ABCB1: variants seen among roughly 807,000 people sequenced by gnomAD.
ABCB1 encodes ATP binding cassette subfamily B member 1, also known as ATP-dependent translocase ABCB1.
Under a neutral mutation model 142.0 loss-of-function variants are expected in ABCB1, and 69 were observed. That is an observed-to-expected ratio of 0.49 (90% CI 0.40 to 0.59). The LOEUF (loss-of-function observed/expected upper bound fraction) is 0.59, where lower values mean the gene tolerates loss of function less well. Among genes scored for constraint, ABCB1 ranks in the 20% least tolerant of loss-of-function variants. The pLI is 0.00. For synonymous variants in ABCB1, 532 were observed against 539.2 expected, an observed-to-expected ratio of 0.99 and a Z score of 0.18; for missense variants, 1,326 against 1,554.7, an observed-to-expected ratio of 0.85 and a Z score of 2.47.
intron 1 of ABCB1, among the ~76,000 whole-genome samples, chr7:87,646,122 C>G (rs1373027800): frequency 1.3e-5 from 2 of 152,070 alleles, no homozygotes; most frequent in African/African-American, 2.4e-5. Flanking sequence ...TAATTTAGTG[C>G]TCTGATATTT....
chr7:87,651,499 T>C (rs888762948), intron 1 of ABCB1, among the ~76,000 whole-genome samples: 2 of 152,124 alleles, frequency 1.3e-5, no homozygotes, highest in Non-Finnish European at 2.9e-5. Flanking sequence ...CTATAAAATA[T>C]AGTTGCTAAA....
At chr7:87,656,085 T>C (rs897709086) in intron 1 of ABCB1, among the ~76,000 whole-genome samples, 4 of 152,110 alleles carry the variant, frequency 2.6e-5, no homozygotes, top group African/African-American at 9.7e-5. Context: ...TAAATTTCAG[T>C]TATCTATAAA....
intron 3 of ABCB1, among the ~76,000 whole-genome samples, chr7:87,594,422 G>A (rs2129974198): frequency 6.6e-6 from 1 of 152,126 alleles, no homozygotes; most frequent in East Asian, 1.9e-4. Context: ...ATTCTTTTGT[G>A]CCTTAAAATG....
intron 1 of ABCB1, among the ~76,000 whole-genome samples, chr7:87,622,432 G>A (rs190824408): frequency 1.6e-4 from 24 of 152,316 alleles, no homozygotes; most frequent in Admixed American, 1.6e-3. Flanking sequence ...TCCCTAGAGT[G>A]AGCAAGAGTG....
chr7:87,705,028 G>A (rs139003118), intron 1 of ABCB1, among the ~76,000 whole-genome samples: 18 of 152,294 alleles, frequency 1.2e-4, no homozygotes, highest in African/African-American at 3.8e-4. Flanking sequence ...CAGTATACAA[G>A]TACACTTGTA....
At chr7:87,645,865 A>G (rs1822952499) in intron 1 of ABCB1, among the ~76,000 whole-genome samples, 1 of 152,168 alleles carries the variant, frequency 6.6e-6, no homozygotes. Context: ...ACTCTAAGGG[A>G]TTGATTTGCC....
rs28381913 is a variant in ABCB1, at chr7:87,546,115, G to A, written c.1726-91C>T. 136 of 1,320,046 alleles carry A rather than the reference G, an allele frequency of 1.0e-4. 1 individual carries two copies. The African/African-American group carries it at 1.8e-3, about 17-fold the overall frequency. 81.8% of individuals were successfully genotyped at this position (1,320,046 alleles called of 1,614,324 possible). ...CATATATTTACTGAACCAATGCTGT[G>A]GGCATTGTAAAACCATCAAATCTAT... On this transcript the variant is annotated intron_variant, in intron 14 of 27. Coordinates refer to ENST00000622132, the MANE Select transcript of ABCB1 (RefSeq NM_001348946.2).
chr7:87,504,762 G>A (rs1472086256), intron 27 of ABCB1, among the ~76,000 whole-genome samples: 4 of 148,446 alleles, frequency 2.7e-5, no homozygotes, highest in African/African-American at 5.0e-5. Context: ...CCAAGATTGC[G>A]CCACTGCACT....
rs771905387 is a variant in ABCB1, at chr7:87,503,019, A to G, written c.*1224T>C. Among the ~76,000 whole-genome samples, 1 of 152,004 alleles carries G rather than the reference A, an allele frequency of 6.6e-6. No homozygotes were observed. Among genetic ancestry groups the G allele is most frequent in the Non-Finnish European group, 1.5e-5 (1 of 67,918 alleles). On this transcript the variant is annotated 3_prime_UTR_variant, in exon 28 of 28. Transcript: ENST00000622132. ...CAATGACCAATTCAACTAATAAGGAATGTCACATTAGATTTTTTTATTCAT... is the reference window on the plus strand; with the variant it reads ...CAATGACCAATTCAACTAATAAGGAGTGTCACATTAGATTTTTTTATTCAT...
chr7:87,671,455 A>G (rs1353091065), intron 1 of ABCB1, among the ~76,000 whole-genome samples: 1 of 152,068 alleles, frequency 6.6e-6, no homozygotes, highest in Non-Finnish European at 1.5e-5. Flanking sequence ...ATGGGCACCT[A>G]CTTAACACTC....
intron 1 of ABCB1, among the ~76,000 whole-genome samples, chr7:87,705,827 T>G (rs1173903493): frequency 6.6e-6 from 1 of 152,210 alleles, no homozygotes; most frequent in Non-Finnish European, 1.5e-5. Flanking sequence ...CAATTGAATC[T>G]TTAGTTACCA....
chr7:87,638,881 G>C (rs986236928), intron 1 of ABCB1, among the ~76,000 whole-genome samples: 5 of 152,210 alleles, frequency 3.3e-5, no homozygotes, highest in African/African-American at 1.2e-4. Flanking sequence ...GGCTGGGCAT[G>C]GTGGCTCACA....
chr7:87,616,069 A>G (rs1275737390), intron 1 of ABCB1, among the ~76,000 whole-genome samples: 2 of 152,228 alleles, frequency 1.3e-5, no homozygotes, highest in Non-Finnish European at 2.9e-5. Context: ...TTTAAGGTAG[A>G]TTTTAACATA....
chr7:87,701,048 A>T (rs962622381), intron 1 of ABCB1, among the ~76,000 whole-genome samples: 7 of 152,194 alleles, frequency 4.6e-5, no homozygotes, highest in African/African-American at 1.4e-4. Flanking sequence ...AACTTTGAGG[A>T]TCTGTCTTTT....
At chr7:87,662,188 C>T (rs961529099) in intron 1 of ABCB1, among the ~76,000 whole-genome samples, 2 of 151,990 alleles carry the variant, frequency 1.3e-5, no homozygotes, top group African/African-American at 4.8e-5. Context: ...ATATTTTCTC[C>T]CATACTGTGG....
chr7:87,550,640 G>T (rs1817019686), intron 10 of ABCB1, 62 bp from the exon 11 acceptor site: 1 of 1,575,990 alleles, frequency 6.3e-7, no homozygotes, highest in Non-Finnish European at 8.7e-7. Flanking sequence ...GTGATATTTT[G>T]TGGAGAGCTG....
intron 1 of ABCB1, among the ~76,000 whole-genome samples, chr7:87,656,683 A>C (rs772867379): frequency 6.6e-6 from 1 of 150,806 alleles, no homozygotes; most frequent in Admixed American, 6.6e-5. Context: ...TTGATAGTTT[A>C]AAAAAAACCT....
At chr7:87,659,140 C>T in intron 1 of ABCB1, 1 of 371,784 alleles carries the variant, frequency 2.7e-6, no homozygotes, top group South Asian at 2.1e-5. Context: ...CTAGCCTGGG[C>T]AATAGAATGA....
At chr7:87,698,364 G>T (rs985211020) in intron 1 of ABCB1, among the ~76,000 whole-genome samples, 2 of 152,124 alleles carry the variant, frequency 1.3e-5, no homozygotes, top group South Asian at 4.1e-4. Flanking sequence ...AAAGTGCTGG[G>T]ATTACAGGCG....
Sources: allele counts gnomAD v4.1 joint callset (sites outside exome capture counted in the v4.1 genomes callset), GRCh38; gene constraint gnomAD v4.1.1; transcripts MANE v1.5; gene names NCBI Gene and HGNC (gene_info 2026-07-23, HGNC 2026-07-21).